TAFA2: variants seen among roughly 807,000 people sequenced by gnomAD.
TAFA2 encodes chemokine-like protein TAFA-2.
Under a neutral mutation model 18.8 loss-of-function variants are expected in TAFA2, and 7 were observed. The observed-to-expected ratio is 0.37, with a 90% CI of 0.21 to 0.70. The LOEUF is 0.70. Ranked by LOEUF, TAFA2 falls within the 30% of genes least tolerant of loss-of-function variation. The pLI, the probability that TAFA2 is intolerant of heterozygous loss-of-function variation, is 0.53. For synonymous variants in TAFA2, 60 were observed against 54.2 expected (o/e 1.11, Z -0.47); for missense variants, 122 against 158.1 (o/e 0.77, Z 1.23).
At chr12:62,189,829 T>A (rs2136960019) in intron 1 of TAFA2, among the ~76,000 whole-genome samples, 1 of 152,230 alleles carries the variant, frequency 6.6e-6, no homozygotes, top group East Asian at 1.9e-4. Flanking sequence ...ATCAGATAAT[T>A]ATCATTCAGT....
intron 1 of TAFA2, among the ~76,000 whole-genome samples, chr12:62,123,772 C>CCACACACACACACACA (rs369871302): frequency 4.3e-4 from 30 of 69,056 alleles, no homozygotes; most frequent in African/African-American, 1.8e-3. Flanking sequence ...ATCTCCCCCA[C>CCACACACACACACACA]CACACACATA....
chr12:61,955,619 AAAAAAAAAAAAAAATATATATATATAT>A (rs1878638678), intron 1 of TAFA2, among the ~76,000 whole-genome samples: 1 of 29,348 alleles, frequency 3.4e-5, no homozygotes, highest in African/African-American at 9.9e-5. Context: ...AAAAAAAAAA[AAAAAAAAAAAAAAATATATATATATAT>A]ATATATATAT....
At chr12:62,101,496 A>T (rs1869199968) in intron 1 of TAFA2, among the ~76,000 whole-genome samples, 1 of 152,184 alleles carries the variant, frequency 6.6e-6, no homozygotes, top group Non-Finnish European at 1.5e-5. Flanking sequence ...GTTCTTCCAT[A>T]AGCCCAAACG....
chr12:61,888,304 T>C (rs2121290390), intron 1 of TAFA2, among the ~76,000 whole-genome samples: 1 of 152,314 alleles, frequency 6.6e-6, no homozygotes, highest in East Asian at 1.9e-4. Flanking sequence ...GTCAGGAAGA[T>C]GCTATGATGA....
At chr12:61,903,372 C>T (rs1432296533) in intron 1 of TAFA2, among the ~76,000 whole-genome samples, 1 of 152,172 alleles carries the variant, frequency 6.6e-6, no homozygotes, top group African/African-American at 2.4e-5. Flanking sequence ...CAAGTTTAAT[C>T]TCTTTAGAGA....
At position 61,710,150 on chromosome 12, in the gene TAFA2, T is replaced by G. The variant is rs1244217753; in HGVS notation, c.*256A>C. ...AACTCTTCACCAGCTCCTCAGACAG[T>G]GACTTCAAATTCTTTTAACAATTTA... On this transcript the variant is annotated 3_prime_UTR_variant, in exon 5 of 5. Coordinates refer to ENST00000416284, the MANE Select transcript of TAFA2 (RefSeq NM_178539.5). 8.8e-6 allele frequency: 4 copies of G among 453,630 alleles called. No homozygotes were observed. Among genetic ancestry groups the G allele is most frequent in the Non-Finnish European group, 1.6e-5 (4 of 254,146 alleles). The allele number at this position is 453,630 out of a possible 1,614,324, so 28.1% of individuals were successfully genotyped here.
chr12:61,788,814 C>A (rs962755143), intron 2 of TAFA2, among the ~76,000 whole-genome samples: 4 of 151,574 alleles, frequency 2.6e-5, no homozygotes, highest in Non-Finnish European at 4.4e-5. Flanking sequence ...CCTGGACACA[C>A]AAAACTATCA....
At chr12:61,880,884 G>A in intron 1 of TAFA2, 1 of 176,342 alleles carries the variant, frequency 5.7e-6, no homozygotes, top group Non-Finnish European at 1.2e-5. Flanking sequence ...CTGAGACTCA[G>A]CCCTAGCCCT....
At chr12:61,742,022 G>A (rs913812579) in intron 4 of TAFA2, among the ~76,000 whole-genome samples, 25 of 152,110 alleles carry the variant, frequency 1.6e-4, no homozygotes, top group Admixed American at 4.6e-4. Flanking sequence ...TCAGCCTCCC[G>A]AGGCCGGGAC....
intron 2 of TAFA2, among the ~76,000 whole-genome samples, chr12:61,836,803 T>C (rs1264482342): frequency 7.4e-6 from 1 of 135,010 alleles, no homozygotes; most frequent in Non-Finnish European, 1.6e-5. Flanking sequence ...TAATATACTT[T>C]TAGGAAATTA....
At chr12:61,967,775 G>A (rs1483105861) in intron 1 of TAFA2, among the ~76,000 whole-genome samples, 1 of 151,832 alleles carries the variant, frequency 6.6e-6, no homozygotes, top group Non-Finnish European at 1.5e-5. Context: ...GTCGAAATTT[G>A]TGAAATTCCT....
At chr12:61,987,794 G>A (rs144933420) in intron 1 of TAFA2, among the ~76,000 whole-genome samples, 10 of 152,110 alleles carry the variant, frequency 6.6e-5, no homozygotes, top group Admixed American at 1.3e-4. Flanking sequence ...CGGATGTTAC[G>A]GGATGTTGCC....
At chr12:61,719,497 C>T (rs1869802333) in intron 4 of TAFA2, among the ~76,000 whole-genome samples, 1 of 152,136 alleles carries the variant, frequency 6.6e-6, no homozygotes, top group Non-Finnish European at 1.5e-5. Flanking sequence ...TTTCCCACAC[C>T]TATATGACTG....
chr12:62,214,658 C>G (rs1195455289), intron 1 of TAFA2, among the ~76,000 whole-genome samples: 3 of 152,158 alleles, frequency 2.0e-5, no homozygotes, highest in Non-Finnish European at 4.4e-5. Flanking sequence ...TCGAATATGA[C>G]TGGTGCCCTT....
At chr12:61,759,341 G>A (rs1869427741) in intron 2 of TAFA2, among the ~76,000 whole-genome samples, 1 of 151,988 alleles carries the variant, frequency 6.6e-6, no homozygotes, top group East Asian at 1.9e-4. Flanking sequence ...TTTGTCTAGT[G>A]AAATGAAAGT....
intron 4 of TAFA2, among the ~76,000 whole-genome samples, chr12:61,735,802 C>A (rs1868294601): frequency 6.6e-6 from 1 of 151,638 alleles, no homozygotes; most frequent in Admixed American, 6.6e-5. Context: ...GTTTACATTG[C>A]CTTATCTTCA....
At chr12:61,897,166 C>T (rs1365775162) in intron 1 of TAFA2, among the ~76,000 whole-genome samples, 1 of 152,116 alleles carries the variant, frequency 6.6e-6, no homozygotes, top group Non-Finnish European at 1.5e-5. Context: ...TTGTTATCTG[C>T]AGGGGATTCA....
At chr12:61,719,293 AG>A (rs1227055494) in intron 4 of TAFA2, among the ~76,000 whole-genome samples, 1 of 152,216 alleles carries the variant, frequency 6.6e-6, no homozygotes, top group Non-Finnish European at 1.5e-5. Context: ...AATTCTGCTA[AG>A]GCATAGACAT....
chr12:62,096,271 C>A, intron 1 of TAFA2, among the ~76,000 whole-genome samples: 1 of 151,988 alleles, frequency 6.6e-6, no homozygotes, highest in East Asian at 1.9e-4. Flanking sequence ...TTTCAAAAGC[C>A]AAGCATCCAC....
Sources: allele counts gnomAD v4.1 joint callset (sites outside exome capture counted in the v4.1 genomes callset), GRCh38; gene constraint gnomAD v4.1.1; transcripts MANE v1.5; gene names NCBI Gene and HGNC (gene_info 2026-07-23, HGNC 2026-07-21).